Variants in GPRC6A observed in about 807,000 individuals in gnomAD.
GPRC6A encodes G protein-coupled receptor class C group 6 member A, also known as G protein-coupled receptor family C group 6 member A.
GPRC6A carries 54 observed loss-of-function variants against 47.0 expected under a neutral mutation model. That is an observed-to-expected ratio of 1.15 (90% CI 0.92 to 1.44). GPRC6A has a LOEUF of 1.44. Among genes scored for constraint, GPRC6A ranks in the 40% most tolerant of loss-of-function variants. The pLI, the probability that GPRC6A is intolerant of heterozygous loss-of-function variation, is 0.00. For synonymous variants in GPRC6A, 347 were observed against 377.1 expected (o/e 0.92, Z 0.93); for missense variants, 1,112 against 1,105.5 (o/e 1.01, Z -0.08).
intron 1 of GPRC6A, among the ~76,000 whole-genome samples, chr6:116,815,397 C>T (rs138054812): frequency 0.028 from 4,297 of 152,272 alleles, 109 homozygotes; most frequent in Non-Finnish European, 0.039. Context: ...GTGGAAGGAT[C>T]GCTTGAACCC....
chr6:116,823,513 A>T (rs1332335028), intron 1 of GPRC6A, among the ~76,000 whole-genome samples: 1 of 152,108 alleles, frequency 6.6e-6, no homozygotes, highest in African/African-American at 2.4e-5. Context: ...AGGAAGTTCC[A>T]AAGTTTCCTT....
chr6:116,817,140 T>C (rs910190532), intron 1 of GPRC6A, among the ~76,000 whole-genome samples: 5 of 151,946 alleles, frequency 3.3e-5, no homozygotes, highest in African/African-American at 4.8e-5. Context: ...TGTCCCTGTC[T>C]GACAGCTTTG....
At chr6:116,827,912 G>T (rs1773723936) in intron 1 of GPRC6A, among the ~76,000 whole-genome samples, 1 of 151,922 alleles carries the variant, frequency 6.6e-6, no homozygotes, top group African/African-American at 2.4e-5. Context: ...CGTTGATAAA[G>T]AAAGAAAGGT....
Position 116,809,563 on chromosome 6 carries a change from C to A in GPRC6A, c.249G>T (p.Met83Ile). Reference protein sequence around the residue: ...QTLAMIHSIEMINNSTLLPGV... With the variant: ...QTLAMIHSIEIINNSTLLPGV... ...CAGGTAAGAGTGTTGAATTGTTGAT[C>A]ATCTCAATGCTGTGTATCATGGCAA... Residue 83 changes from methionine to isoleucine, a missense_variant, in exon 2 of 6, where the codon ATG (methionine) becomes ATT (isoleucine). Coordinates refer to ENST00000310357, the MANE Select transcript of GPRC6A (RefSeq NM_148963.4). 6.2e-7 allele frequency: 1 copy of A among 1,612,560 alleles called. No individual in the cohort carries two copies. The highest frequency in any genetic ancestry group is 1.1e-5 in the South Asian group (1 of 91,026).
rs1192085201 is a variant in GPRC6A at position 116,792,587 on chromosome 6, T to A, written c.2336A>T (p.Asn779Ile). The A allele has an allele frequency of 3.1e-6, 5 of 1,606,196 alleles. No homozygotes were observed. Among genetic ancestry groups the A allele is most frequent in the Non-Finnish European group, 4.2e-6 (5 of 1,178,666 alleles). Residue 779 changes from asparagine to isoleucine, a missense_variant, in exon 6 of 6, where the codon AAT becomes ATT. By Grantham distance (149) the Asn-to-Ile change is moderately radical. Transcript: ENST00000310357. ...FAFKGKYENY[N>I]EAKFITFGML... Reference sequence around the variant, plus strand: ...GCCAAATGTAATGAATTTGGCTTCATTGTAATTCTCATATTTGCCTTTGAA... The same window carrying A: ...GCCAAATGTAATGAATTTGGCTTCAATGTAATTCTCATATTTGCCTTTGAA...
In GPRC6A at chr6:116,806,935, C is replaced by A. The variant is rs1243155864; in HGVS notation, c.770G>T (p.Arg257Ile). The A allele has an allele frequency of 6.2e-7, 1 of 1,613,564 alleles. No individual in the cohort carries two copies. The highest frequency in any genetic ancestry group is 2.2e-5 in the East Asian group (1 of 44,882). ...GATTTTCTTCAGTGTCCGATTGATT[C>A]TGACTTCAATGGTATTATCTGAAAG... ...AFLSDNTIEV[R>I]INRTLKKIIL... The change falls in exon 3 of 6, where the codon AGA becomes ATA. Residue 257 changes from arginine (R) to isoleucine (I), a missense_variant. Coordinates refer to ENST00000310357, the MANE Select transcript of GPRC6A (RefSeq NM_148963.4).
intron 1 of GPRC6A, among the ~76,000 whole-genome samples, chr6:116,821,846 CA>C (rs1299628201): frequency 6.6e-6 from 1 of 150,936 alleles, no homozygotes; most frequent in Non-Finnish European, 1.5e-5. Flanking sequence ...CAACAAAAGC[CA>C]AAATTGACAA....
At chr6:116,812,283 T>C (rs893456280) in intron 1 of GPRC6A, among the ~76,000 whole-genome samples, 3 of 152,074 alleles carry the variant, frequency 2.0e-5, no homozygotes, top group Non-Finnish European at 4.4e-5. Flanking sequence ...TTATCCTTCA[T>C]AAATAGAGGA....
chr6:116,816,965 C>G (rs943085804), intron 1 of GPRC6A, among the ~76,000 whole-genome samples: 3 of 152,178 alleles, frequency 2.0e-5, no homozygotes, highest in African/African-American at 4.8e-5. Flanking sequence ...GGGGGAGGGG[C>G]GCCCGCCATT....
chr6:116,793,507 G>A (rs1039666691), intron 5 of GPRC6A, among the ~76,000 whole-genome samples: 7 of 152,128 alleles, frequency 4.6e-5, no homozygotes, highest in Admixed American at 1.3e-4. Flanking sequence ...GAATGTTTAG[G>A]AAATGAATAT....
At chr6:116,798,206 G>A (rs1772547038) in intron 4 of GPRC6A, among the ~76,000 whole-genome samples, 1 of 143,536 alleles carries the variant, frequency 7.0e-6, no homozygotes, top group Non-Finnish European at 1.5e-5. Context: ...CAGTGAATAA[G>A]AACTACTAGG....
rs746729518 is a variant in GPRC6A, at chr6:116,792,685, C to T, written c.2238G>A (p.Glu746=). ...TGGTGCCAAATGCAAGTATGGATCC[C>T]TCCTCACACTCCAGGATGATGACTC... is the stretch of plus-strand genomic sequence containing the variant. ...LPRVIILECE[E]GSILAFGTML... is the part of the protein sequence containing the mutation. Residue 746 remains glutamate (E), a synonymous_variant, in exon 6 of 6, where the codon GAG becomes GAA. Coordinates refer to ENST00000310357, the MANE Select transcript of GPRC6A (RefSeq NM_148963.4). 1 of 1,613,218 alleles carries T rather than the reference C, an allele frequency of 6.2e-7. No homozygotes were observed. Among genetic ancestry groups the T allele is most frequent in the South Asian group, 1.1e-5 (1 of 91,054 alleles).
At chr6:116,824,618 A>C (rs1490341396) in intron 1 of GPRC6A, among the ~76,000 whole-genome samples, 1 of 152,028 alleles carries the variant, frequency 6.6e-6, no homozygotes, top group Non-Finnish European at 1.5e-5. Context: ...CCCAATAAAT[A>C]ATAGCTCAGG....
Position 116,828,911 on chromosome 6 carries a change from G to C in GPRC6A, c.103C>G (p.His35Asp). The C allele has an allele frequency of 1.9e-6, 3 of 1,613,236 alleles. No individual in the cohort carries two copies. Among genetic ancestry groups the C allele is most frequent in the Non-Finnish European group, 2.5e-6 (3 of 1,179,532 alleles). Reference protein sequence around the residue: ...DDFVAATSPGHIIIGGLFAIH... With the variant: ...DDFVAATSPGDIIIGGLFAIH... The stretch of plus-strand genomic sequence containing the variant: ...GCAAACAAACCTCCAATTATGATAT[G>C]TCCCGGAGAAGTGGCAGCCACAAAG... The change falls in exon 1 of 6, where the codon CAT (histidine) becomes GAT (aspartate). Residue 35 changes from histidine to aspartate, a missense_variant. Physicochemically the swap from His to Asp is moderately conservative, Grantham distance 81 (BLOSUM62 -1). Coordinates refer to ENST00000310357, the MANE Select transcript of GPRC6A (RefSeq NM_148963.4).
intron 4 of GPRC6A, among the ~76,000 whole-genome samples, chr6:116,797,500 G>A (rs913204946): frequency 6.6e-6 from 1 of 152,136 alleles, no homozygotes; most frequent in Admixed American, 6.5e-5. Flanking sequence ...TGACCTAAAT[G>A]ATTTCAGATA....
At chr6:116,819,112 G>A (rs1320862935) in intron 1 of GPRC6A, among the ~76,000 whole-genome samples, 2 of 151,994 alleles carry the variant, frequency 1.3e-5, no homozygotes, top group Non-Finnish European at 2.9e-5. Flanking sequence ...AGACAAAGAA[G>A]GCCATTACAT....
At chr6:116,794,210 CTTCT>C (rs1489190843) in intron 5 of GPRC6A, among the ~76,000 whole-genome samples, 3 of 152,158 alleles carry the variant, frequency 2.0e-5, no homozygotes, top group Non-Finnish European at 4.4e-5. Context: ...TTTGTGTTCT[CTTCT>C]TTATTAACCT....
chr6:116,826,989 C>T (rs796282487), intron 1 of GPRC6A, among the ~76,000 whole-genome samples: 1 of 151,600 alleles, frequency 6.6e-6, no homozygotes, highest in African/African-American at 2.4e-5. Context: ...TATGTGGGAG[C>T]TAAAATCATT....
intron 2 of GPRC6A, among the ~76,000 whole-genome samples, chr6:116,808,616 A>G (rs1318161797): frequency 2.0e-5 from 3 of 152,130 alleles, no homozygotes; most frequent in Non-Finnish European, 2.9e-5. Flanking sequence ...TGTTATATAT[A>G]TTTTCTGTCT....
Sources: gnomAD v4.1 joint callset for allele counts (sites outside exome capture counted in the v4.1 genomes callset) on GRCh38, gnomAD v4.1.1 for gene constraint, MANE v1.5 for transcripts, NCBI Gene and HGNC (gene_info 2026-07-23, HGNC 2026-07-21) for gene names.